The following BRAF variants were observed in gnomAD, a reference collection of about 807,000 sequenced individuals.
BRAF encodes the protein serine/threonine-protein kinase B-raf.
BRAF carries 16 observed loss-of-function variants against 104.6 expected under a neutral mutation model. That is an observed-to-expected ratio of 0.15 (90% CI 0.10 to 0.23). The LOEUF (loss-of-function observed/expected upper bound fraction) is 0.23. Among genes scored for constraint, BRAF ranks in the 10% least tolerant of loss-of-function variants. BRAF has a pLI of 1.00. For synonymous variants in BRAF, 310 were observed against 341.6 expected (o/e 0.91, Z 1.02); for missense variants, 541 against 937.3 (o/e 0.58, Z 5.52).
At chr7:140,839,411 C>T (rs144274943) in intron 2 of BRAF, among the ~76,000 whole-genome samples, 42 of 152,228 alleles carry the variant, frequency 2.8e-4, no homozygotes, top group African/African-American at 9.6e-4. Context: ...CCTCCTCCTC[C>T]CCACTTCCTA....
chr7:140,758,535 G>C (rs1798391622), intron 14 of BRAF, among the ~76,000 whole-genome samples: 1 of 151,630 alleles, frequency 6.6e-6, no homozygotes, highest in African/African-American at 2.4e-5. Context: ...GCTCACTGCA[G>C]CCTCAACCTC....
chr7:140,749,349 T>C lies in BRAF; in HGVS notation c.2050A>G (p.Ile684Val). The C allele has an allele frequency of 6.2e-7, 1 of 1,612,958 alleles. No homozygotes were observed. The highest frequency in any genetic ancestry group is 8.5e-7 in the Non-Finnish European group (1 of 1,179,504). The stretch of plus-strand genomic sequence containing the variant: ...CCAGTCATCAATTCATACAGAACAA[T>C]TCCAAATGCATATACATCTGACTGA... The part of the protein sequence containing the change: ...SFQSDVYAFG[I>V]VLYELMTGQL... The change falls in exon 17 of 20, where the codon ATT (isoleucine) becomes GTT (valine). Residue 684 changes from isoleucine (I) to valine (V), a missense_variant. Physicochemically the swap from Ile to Val is conservative, Grantham distance 29. Around this residue, in one of 10 missense-constraint regions of BRAF, gnomAD observed 129 missense variants for 285.8 expected, o/e 0.45. Coordinates refer to ENST00000644969, the MANE Select transcript of BRAF (RefSeq NM_001374258.1).
intron 14 of BRAF, among the ~76,000 whole-genome samples, chr7:140,757,282 T>A (rs923206800): frequency 1.1e-4 from 16 of 152,136 alleles, no homozygotes; most frequent in African/African-American, 3.6e-4. Context: ...TTTCTCTTTT[T>A]TTGGACTTGA....
chr7:140,882,980 C>T (rs1026522486), intron 1 of BRAF, among the ~76,000 whole-genome samples: 5 of 149,864 alleles, frequency 3.3e-5, no homozygotes, highest in East Asian at 2.0e-4. Flanking sequence ...GGAACAAGAG[C>T]GAAACTCCAT....
downstream of BRAF, among the ~76,000 whole-genome samples, chr7:140,716,791 CAGA>C (rs1201068937): frequency 6.6e-6 from 1 of 152,164 alleles, no homozygotes; most frequent in African/African-American, 2.4e-5. Context: ...AGAGGTGTTG[CAGA>C]AGAACAGCTG....
rs114780290 is a variant in BRAF, at chr7:140,771,115, T to C, written c.1814+5797A>G. Among the ~76,000 whole-genome samples, 1,434 of 152,288 alleles carry C rather than the reference T, an allele frequency of 9.4e-3. 25 individuals are homozygous for C. The highest frequency in any genetic ancestry group is 0.033 in the African/African-American group (1,351 of 41,566). On this transcript the variant is annotated intron_variant, in intron 14 of 19. Transcript: ENST00000644969. ...AAGATATAACCACACAGGAAAAATGTTACCTATCCATTTTTTGCTTATATT... is the reference window on the plus strand; with the variant it reads ...AAGATATAACCACACAGGAAAAATGCTACCTATCCATTTTTTGCTTATATT...
chr7:140,922,550 C>T (rs1034369811), intron 1 of BRAF, among the ~76,000 whole-genome samples: 1 of 152,180 alleles, frequency 6.6e-6, no homozygotes, highest in African/African-American at 2.4e-5. Context: ...TTCATAACCC[C>T]TACTTATTAC....
chr7:140,812,395 A>G (rs1319501520), intron 3 of BRAF, among the ~76,000 whole-genome samples: 1 of 152,198 alleles, frequency 6.6e-6, no homozygotes, highest in Admixed American at 6.5e-5. Flanking sequence ...GTAAGATAAA[A>G]TTCCAATTCC....
intron 14 of BRAF, among the ~76,000 whole-genome samples, chr7:140,770,049 C>T (rs1012441412): frequency 6.6e-6 from 1 of 152,212 alleles, no homozygotes; most frequent in Admixed American, 6.6e-5. Context: ...AGCAATTCCT[C>T]TAATCCTATG....
chr7:140,854,667 T>G (rs1229695105), intron 1 of BRAF, among the ~76,000 whole-genome samples: 1 of 152,100 alleles, frequency 6.6e-6, no homozygotes, highest in African/African-American at 2.4e-5. Flanking sequence ...AAGATTGGGC[T>G]GGGAGTGGTG....
chr7:140,922,406 C>T (rs922930941), intron 1 of BRAF, among the ~76,000 whole-genome samples: 1 of 152,190 alleles, frequency 6.6e-6, no homozygotes, highest in Admixed American at 6.5e-5. Flanking sequence ...TCCAAACAAT[C>T]TGGCCCTTTC....
chr7:140,913,376 G>T (rs1469185615), intron 1 of BRAF, among the ~76,000 whole-genome samples: 5 of 145,608 alleles, frequency 3.4e-5, no homozygotes, highest in Non-Finnish European at 7.5e-5. Context: ...AATATTTACT[G>T]AATACATGAA....
chr7:140,844,933 G>C (rs1023109076), intron 2 of BRAF, among the ~76,000 whole-genome samples: 5 of 151,314 alleles, frequency 3.3e-5, no homozygotes, highest in African/African-American at 9.7e-5. Flanking sequence ...AAAAAAAAAG[G>C]AATCTCAAGG....
rs947303968 is a variant in BRAF, at chr7:140,919,253, T to A, written c.138+5313A>T. Among the ~76,000 whole-genome samples the A allele has an allele frequency of 2.6e-5, 4 of 152,104 alleles. 1 individual carries two copies. Among genetic ancestry groups the A allele is most frequent in the Admixed American group, 6.5e-5 (1 of 15,272 alleles). On this transcript the variant is annotated intron_variant, in intron 1 of 19. Coordinates refer to ENST00000644969, the MANE Select transcript of BRAF (RefSeq NM_001374258.1). ...AAACCACCGTCCCACAGTACATTTG[T>A]CCCAAACGTGCTGTCAGGAACTGCA... is the stretch of plus-strand genomic sequence containing the variant.
chr7:140,755,698 C>T (rs1022143673), intron 14 of BRAF, among the ~76,000 whole-genome samples: 3 of 152,088 alleles, frequency 2.0e-5, no homozygotes, highest in African/African-American at 7.2e-5. Context: ...GGTCTCACTG[C>T]TTACAAAGTT....
intron 3 of BRAF, among the ~76,000 whole-genome samples, chr7:140,821,448 C>A (rs1482848721): frequency 6.6e-6 from 1 of 151,712 alleles, no homozygotes; most frequent in Non-Finnish European, 1.5e-5. Flanking sequence ...CAGGTGTGCA[C>A]CACCATGGCT....
chr7:140,895,225 T>C (rs1444059159), intron 1 of BRAF, among the ~76,000 whole-genome samples: 1 of 152,098 alleles, frequency 6.6e-6, no homozygotes, highest in African/African-American at 2.4e-5. Context: ...GAAAAAAACA[T>C]GATCACCTCA....
chr7:140,723,331 T>G lies in BRAF; in HGVS notation c.*3163A>C. On this transcript the variant is annotated 3_prime_UTR_variant, in exon 20 of 20. Transcript: ENST00000644969. ...TTGACAGTGCTGCAGTCTTGAATTA[T>G]TTCTTTATATACTGCTCTTTCTTCT... 1.9e-6 allele frequency: 2 copies of G among 1,055,794 alleles called. No homozygotes were observed. The highest frequency in any genetic ancestry group is 2.3e-6 in the Non-Finnish European group (2 of 873,342). The allele number at this position is 1,055,794 out of a possible 1,614,324, so 65.4% of individuals were successfully genotyped here. A position where few individuals can be genotyped will look rare whatever the true frequency, so the allele number is the denominator to read the frequency against.
intron 3 of BRAF, among the ~76,000 whole-genome samples, chr7:140,820,950 C>T (rs532386268): frequency 6.6e-6 from 1 of 152,296 alleles, no homozygotes; most frequent in East Asian, 1.9e-4. Flanking sequence ...AAATAAAAAT[C>T]TCAAGGAACA....
Sources: allele counts gnomAD v4.1 joint callset (sites outside exome capture counted in the v4.1 genomes callset), GRCh38; gene constraint gnomAD v4.1.1; regional missense constraint gnomAD v4.1.1; transcripts MANE v1.5; gene names NCBI Gene and HGNC (gene_info 2026-07-23, HGNC 2026-07-21).